TMEM123: variants seen among roughly 807,000 people sequenced by gnomAD.
TMEM123 encodes transmembrane protein 123, also known as porimin.
A neutral mutation model predicts 19.7 loss-of-function variants in TMEM123; 16 were observed. The ratio of observed to expected loss-of-function variants is 0.81; its 90% CI spans 0.55 to 1.23. The LOEUF is 1.23. TMEM123 is among the 50% of genes most tolerant of loss of function. The pLI is 0.00. For synonymous variants in TMEM123, 118 were observed against 99.4 expected (o/e 1.19, Z -1.12); for missense variants, 313 against 257.8 (o/e 1.21, Z -1.47).
At chr11:102,447,793 G>C (rs760170840) in intron 2 of TMEM123, among the ~76,000 whole-genome samples, 1 of 151,888 alleles carries the variant, frequency 6.6e-6, no homozygotes, top group East Asian at 1.9e-4. Flanking sequence ...TCCTGACTAC[G>C]TACCACCAGA....
intron 4 of TMEM123, among the ~76,000 whole-genome samples, chr11:102,399,744 A>T (rs1048838187): frequency 5.9e-5 from 9 of 152,026 alleles, no homozygotes; most frequent in Non-Finnish European, 1.2e-4. Context: ...CCAAGGTGGG[A>T]GGATCACCTA....
chr11:102,407,479 G>A (rs959397302), intron 2 of TMEM123, among the ~76,000 whole-genome samples: 2 of 152,114 alleles, frequency 1.3e-5, no homozygotes, highest in African/African-American at 4.8e-5. Flanking sequence ...TCTCCACCCT[G>A]CCCAAATTCA....
chr11:102,424,688 CA>C (rs142373849), intron 2 of TMEM123, among the ~76,000 whole-genome samples: 7,677 of 141,750 alleles, frequency 0.054, 237 homozygotes, highest in Non-Finnish European at 0.077. Flanking sequence ...GACCTTGTCT[CA>C]AAAAAAAAAA....
chr11:102,416,271 TAAAG>T lies in TMEM123; in HGVS notation c.158-14069_158-14066del, dbSNP rs567580770. 4.6e-4 allele frequency among the ~76,000 whole-genome samples: 70 copies of T among 151,624 alleles called. No homozygotes were observed. The South Asian group carries it at 0.014, about 31-fold the overall frequency. On this transcript the variant is annotated intron_variant, in intron 2 of 4. Transcript: ENST00000398136. Reference sequence around the variant, plus strand: ...GATTGACAGACTCCAGCTAGACTAATAAAGAAAAAAGAGAGAAGAGCCAAATAAA... The same window carrying T: ...GATTGACAGACTCCAGCTAGACTAATAAAAAAGAGAGAAGAGCCAAATAAA...
At chr11:102,452,426 A>C in intron 1 of TMEM123, 98 bp downstream of exon 1, 1 of 1,070,496 alleles carries the variant, frequency 9.3e-7, no homozygotes, top group Non-Finnish European at 1.2e-6. Context: ...GGCCAGACAC[A>C]CGCGGAACTT....
In TMEM123 at chr11:102,401,908, A is replaced by G; in HGVS notation, c.448+8T>C. ...CATAGGAAAAAAAAGGTCAGCTTTA[A>G]TACATACTTGTTACTGATGAAGCAG... On this transcript the variant is annotated splice_region_variant and intron_variant, in intron 3 of 4. Transcript: ENST00000398136. 1 of 1,612,164 alleles carries G rather than the reference A, an allele frequency of 6.2e-7. No individual in the cohort carries two copies. Among genetic ancestry groups the G allele is most frequent in the South Asian group, 1.1e-5 (1 of 90,786 alleles).
chr11:102,426,925 G>A lies in TMEM123; in HGVS notation c.157+21887C>T, dbSNP rs189268924. On this transcript the variant is annotated intron_variant, in intron 2 of 4. Coordinates refer to ENST00000398136, the MANE Select transcript of TMEM123 (RefSeq NM_052932.3). ...CTATTCAGTTGATAAAAAGTTTTGT[G>A]TCTGGGTATATATATCAGTTATTTG... Among the ~76,000 whole-genome samples the A allele has an allele frequency of 1.5e-3, 183 of 123,610 alleles. 1 individual carries two copies. The highest frequency in any genetic ancestry group is 7.4e-3 in the Middle Eastern group (1 of 136). 81.1% of individuals were successfully genotyped at this position (123,610 alleles called of 152,430 possible).
chr11:102,427,084 G>A (rs1467883591), intron 2 of TMEM123, among the ~76,000 whole-genome samples: 3 of 146,810 alleles, frequency 2.0e-5, no homozygotes, highest in Non-Finnish European at 3.0e-5. Flanking sequence ...TTTTTTTGCT[G>A]GTTCTCTTTT....
chr11:102,444,620 A>G (rs1857862907), intron 2 of TMEM123, among the ~76,000 whole-genome samples: 1 of 152,146 alleles, frequency 6.6e-6, no homozygotes, highest in African/African-American at 2.4e-5. Context: ...GCACACCAAC[A>G]TGGCATATGT....
At chr11:102,428,817 A>G (rs1468001474) in intron 2 of TMEM123, among the ~76,000 whole-genome samples, 1 of 152,186 alleles carries the variant, frequency 6.6e-6, no homozygotes, top group African/African-American at 2.4e-5. Context: ...TGACAAGAGC[A>G]GATGTTTCTG....
intron 2 of TMEM123, among the ~76,000 whole-genome samples, chr11:102,403,938 C>T (rs537367443): frequency 3.9e-5 from 6 of 152,162 alleles, no homozygotes; most frequent in African/African-American, 1.4e-4. Flanking sequence ...TTTATAAAAG[C>T]CCTCCCCAGA....
At chr11:102,402,305 C>A (rs1161619008) in intron 2 of TMEM123, 99 bp from the exon 3 acceptor site, 64 of 1,234,970 alleles carry the variant, frequency 5.2e-5, no homozygotes, top group Non-Finnish European at 7.1e-5. Flanking sequence ...AGCAAGAGAT[C>A]TTACAAATAC....
intron 1 of TMEM123, chr11:102,451,130 C>G (rs1394881074): frequency 1.3e-5 from 2 of 152,050 alleles, no homozygotes; most frequent in Non-Finnish European, 2.9e-5. Flanking sequence ...ATAAACAGAA[C>G]AAACAGTGCT....
chr11:102,412,068 A>T (rs1408446412), intron 2 of TMEM123, among the ~76,000 whole-genome samples: 8 of 152,146 alleles, frequency 5.3e-5, no homozygotes, highest in Admixed American at 5.2e-4. Flanking sequence ...CTTCCCACCC[A>T]TTCTCAGCTC....
At chr11:102,427,841 TAA>T (rs573686519) in intron 2 of TMEM123, among the ~76,000 whole-genome samples, 21 of 141,346 alleles carry the variant, frequency 1.5e-4, no homozygotes, top group African/African-American at 5.2e-4. Context: ...CTGTTTCAAT[TAA>T]AAAAAAAAAA....
At chr11:102,412,044 A>G (rs984199410) in intron 2 of TMEM123, among the ~76,000 whole-genome samples, 4 of 152,298 alleles carry the variant, frequency 2.6e-5, no homozygotes, top group Non-Finnish European at 1.5e-5. Flanking sequence ...ATGTTACTTC[A>G]GGTGCCTGGG....
intron 2 of TMEM123, among the ~76,000 whole-genome samples, chr11:102,403,450 G>C (rs11225242): frequency 0.077 from 11,696 of 152,148 alleles, 524 homozygotes; most frequent in African/African-American, 0.12. Context: ...TTTTTAACAC[G>C]ACAATTTAAC....
chr11:102,400,657 T>C (rs917187722), intron 4 of TMEM123, among the ~76,000 whole-genome samples: 3 of 152,138 alleles, frequency 2.0e-5, no homozygotes, highest in Admixed American at 6.5e-5. Flanking sequence ...CTTGGGAAGG[T>C]AGTTAGGTCG....
chr11:102,418,721 C>T, intron 2 of TMEM123, among the ~76,000 whole-genome samples: 1 of 152,164 alleles, frequency 6.6e-6, no homozygotes, highest in Non-Finnish European at 1.5e-5. Context: ...AACTGCAGCA[C>T]TATTCACAAT....
Sources: gnomAD v4.1 joint callset for allele counts (sites outside exome capture counted in the v4.1 genomes callset) on GRCh38, gnomAD v4.1.1 for gene constraint, MANE v1.5 for transcripts, NCBI Gene and HGNC (gene_info 2026-07-23, HGNC 2026-07-21) for gene names.